Variants in DRC9 observed in about 807,000 individuals in gnomAD.
The protein encoded by DRC9 is dynein regulatory complex subunit 9.
At chr3:197,956,540 C>T in the DRC9 span, 2 of 151,824 alleles carry the variant, frequency 1.3e-5, no homozygotes, top group Non-Finnish European at 2.9e-5. Context: ...TTCAAGATTG[C>T]ACTTTAAGCA....
At chr3:197,943,761 G>A in the DRC9 span, 2 of 1,598,592 alleles carry the variant, frequency 1.3e-6, no homozygotes, top group Non-Finnish European at 1.7e-6. Context: ...ATTAACTCAT[G>A]GTGAGTGGGT....
the DRC9 span, among the ~76,000 whole-genome samples, chr3:197,946,638 G>C: frequency 6.6e-6 from 1 of 151,922 alleles, no homozygotes; most frequent in East Asian, 1.9e-4. Context: ...CCACAATAAA[G>C]CAACTCTGAG....
the DRC9 span, among the ~76,000 whole-genome samples, chr3:197,941,345 GTC>G: frequency 1.2e-4 from 6 of 49,008 alleles, no homozygotes; most frequent in Non-Finnish European, 1.9e-4. Flanking sequence ...TCTCCCCTCT[GTC>G]TCTTTCTTTC....
the DRC9 span, among the ~76,000 whole-genome samples, chr3:197,916,881 T>TA: frequency 0.14 from 19,786 of 139,228 alleles, 1,996 homozygotes; most frequent in African/African-American, 0.31. Flanking sequence ...AATGATGAAC[T>TA]AAAAAAAAAA....
the DRC9 span, among the ~76,000 whole-genome samples, chr3:197,933,057 ATATAT>A: frequency 2.4e-4 from 18 of 75,658 alleles, 1 homozygote; most frequent in East Asian, 4.9e-3. Flanking sequence ...TATAAAATAC[ATATAT>A]TATACATATA....
At chr3:197,902,206 C>T in the DRC9 span, among the ~76,000 whole-genome samples, 2 of 152,220 alleles carry the variant, frequency 1.3e-5, no homozygotes, top group Non-Finnish European at 2.9e-5. Context: ...CCACAACACT[C>T]AAGTCCCTTC....
chr3:197,901,374 G>T, the DRC9 span, among the ~76,000 whole-genome samples: 2 of 152,198 alleles, frequency 1.3e-5, no homozygotes, highest in African/African-American at 4.8e-5. This position sits in a 1 kb window ranked among gnomAD's most constrained non-coding sequence, Gnocchi z 4.4. Flanking sequence ...ACGACCCCAG[G>T]TGATCCACCC....
chr3:197,894,417 TAA>T, the DRC9 span: 1 of 152,148 alleles, frequency 6.6e-6, no homozygotes, highest in African/African-American at 2.4e-5. Context: ...CTCTTTGCCT[TAA>T]TAAAGGCAAA....
the DRC9 span, chr3:197,954,169 A>G: frequency 1.9e-6 from 3 of 1,613,768 alleles, no homozygotes; most frequent in South Asian, 3.3e-5. Flanking sequence ...TTTTAGCAAA[A>G]TGGACGTCTG....
the DRC9 span, among the ~76,000 whole-genome samples, chr3:197,941,445 TCCCATCCCCCTCCCTCCTCA>T: frequency 3.0e-5 from 1 of 33,388 alleles, no homozygotes. Flanking sequence ...CTCCCTCCTC[TCCCATCCCCCTCCCTCCTCA>T]CCCTTCCCCC....
At chr3:197,955,889 AGCAT>A in the DRC9 span, 1 of 923,430 alleles carries the variant, frequency 1.1e-6, no homozygotes, top group Non-Finnish European at 1.8e-6. Flanking sequence ...GAGGTTGCTC[AGCAT>A]TTTTGGAGTA....
At chr3:197,913,318 T>TTGCGTGCGTGCGTGCGTGCGTGCGTGCG in the DRC9 span, 6 of 183,556 alleles carry the variant, frequency 3.3e-5, no homozygotes, top group African/African-American at 1.8e-4. Context: ...GTGCCTGGCT[T>TTGCGTGCGTGCGTGCGTGCGTGCGTGCG]TGCGTGTGTG....
the DRC9 span, chr3:197,944,153 C>T: frequency 1.7e-5 from 17 of 1,017,346 alleles, no homozygotes; most frequent in Non-Finnish European, 8.7e-6. Flanking sequence ...GTGATATTCA[C>T]ATCGTCGTAT....
chr3:197,954,021 C>A, the DRC9 span: 2 of 1,613,158 alleles, frequency 1.2e-6, no homozygotes, highest in Non-Finnish European at 1.7e-6. Flanking sequence ...TCACTCCTGG[C>A]GGCAAACCAA....
the DRC9 span, among the ~76,000 whole-genome samples, chr3:197,908,019 G>T: frequency 1.6e-4 from 21 of 129,300 alleles, no homozygotes. Flanking sequence ...TATCACAGGG[G>T]TGGTGACTGT....
At chr3:197,925,165 G>A in the DRC9 span, among the ~76,000 whole-genome samples, 1 of 151,412 alleles carries the variant, frequency 6.6e-6, no homozygotes, top group African/African-American at 2.4e-5. Context: ...CCCTGTGGGG[G>A]AGGGTGGGGG....
chr3:197,959,290 C>G, the DRC9 span: 2 of 152,166 alleles, frequency 1.3e-5, no homozygotes, highest in African/African-American at 4.8e-5. Context: ...TCTTTATTCA[C>G]AATAGCAATT....
At chr3:197,943,546 G>A in the DRC9 span, among the ~76,000 whole-genome samples, 1 of 151,894 alleles carries the variant, frequency 6.6e-6, no homozygotes, top group African/African-American at 2.4e-5. Flanking sequence ...GGCTGAGGTG[G>A]GAGGATCACT....
the DRC9 span, chr3:197,949,837 AC>A: frequency 2.6e-6 from 1 of 385,862 alleles, no homozygotes; most frequent in Non-Finnish European, 4.6e-6. Context: ...AATCAATCTT[AC>A]AGTCAATCAT....
Sources: allele counts gnomAD v4.1 joint callset (sites outside exome capture counted in the v4.1 genomes callset), GRCh38; gene constraint gnomAD v4.1.1; non-coding constraint Gnocchi (gnomAD v3.1); transcripts MANE v1.5; gene names NCBI Gene and HGNC (gene_info 2026-07-23, HGNC 2026-07-21).